The following DENND6A variants were observed in gnomAD, a reference collection of about 807,000 sequenced individuals.
DENND6A encodes the protein protein DENND6A.
In DENND6A, 43 loss-of-function variants were observed where a neutral mutation model predicts 95.5. That is an observed-to-expected ratio of 0.45 (90% CI 0.35 to 0.58). The LOEUF is 0.58. Among genes scored for constraint, DENND6A ranks in the 20% least tolerant of loss-of-function variants. The pLI is 0.00. For missense variants in DENND6A, 574 were observed against 736.0 expected (o/e 0.78, Z 2.55); for synonymous variants, 257 against 260.4 (o/e 0.99, Z 0.13).
intron 7 of DENND6A, 78 bp downstream of exon 7, chr3:57,660,682 T>C (rs1004475210): frequency 1.5e-6 from 2 of 1,307,242 alleles, no homozygotes; most frequent in Non-Finnish European, 2.1e-6. Context: ...TACTCCAGCC[T>C]GGGTGACAGC....
rs186236203 is a variant in DENND6A at position 57,665,282 on chromosome 3, A to G, written c.432+841T>C. Among the ~76,000 whole-genome samples the G allele has an allele frequency of 9.9e-5, 15 of 152,264 alleles. 1 individual carries two copies. The highest frequency in any genetic ancestry group is 7.2e-4 in the Admixed American group (11 of 15,282). ...ATATATGTACACTTTAGCTGGCAAC[A>G]CTGTATAAGGTATATTGTGCTGGAA... On this transcript the variant is annotated intron_variant, in intron 4 of 19. Transcript: ENST00000311128.
intron 9 of DENND6A, among the ~76,000 whole-genome samples, chr3:57,649,597 G>A (rs142825392): frequency 0.013 from 1,948 of 149,326 alleles, 48 homozygotes; most frequent in African/African-American, 0.045. Context: ...GCAAAAATAT[G>A]GAACAAGCCC....
rs1411716389 is a variant in DENND6A, at chr3:57,628,342, G to C, written c.1699C>G (p.Gln567Glu). The change falls in exon 20 of 20, where the codon CAG becomes GAG. Residue 567 changes from glutamine to glutamate, a missense_variant. Coordinates refer to ENST00000311128, the MANE Select transcript of DENND6A (RefSeq NM_152678.3). ...LVLKLKNKLL[Q>E]ADREHLPVKP... Reference sequence around the variant, plus strand: ...ACAGGTAAGTGCTCTCGATCAGCCTGCAACTACATAAGGAACATTTCATAA... The same window carrying C: ...ACAGGTAAGTGCTCTCGATCAGCCTCCAACTACATAAGGAACATTTCATAA... The C allele has an allele frequency of 1.2e-6, 2 of 1,613,472 alleles. No individual in the cohort carries two copies. Among genetic ancestry groups the C allele is most frequent in the African/African-American group, 1.3e-5 (1 of 74,996 alleles).
At chr3:57,685,610 T>C (rs979842602) in intron 1 of DENND6A, among the ~76,000 whole-genome samples, 2 of 152,200 alleles carry the variant, frequency 1.3e-5, no homozygotes, top group Non-Finnish European at 2.9e-5. Flanking sequence ...ACACACAACC[T>C]GTATTCCTAA....
chr3:57,637,766 C>CA (rs68168204), intron 12 of DENND6A, among the ~76,000 whole-genome samples: 2,079 of 109,388 alleles, frequency 0.019, 30 homozygotes, highest in African/African-American at 0.046. Flanking sequence ...AATAAGACTT[C>CA]AAAAAAAAAA....
intron 12 of DENND6A, among the ~76,000 whole-genome samples, chr3:57,639,670 T>TC (rs2070881355): frequency 6.6e-6 from 1 of 152,150 alleles, no homozygotes; most frequent in African/African-American, 2.4e-5. Context: ...GTACCATGCA[T>TC]CAGGCACTGT....
intron 9 of DENND6A, among the ~76,000 whole-genome samples, chr3:57,657,027 G>A (rs1226688667): frequency 6.6e-6 from 1 of 152,146 alleles, no homozygotes; most frequent in African/African-American, 2.4e-5. Context: ...TGAGCATTTC[G>A]TAACTGCTCA....
intron 12 of DENND6A, among the ~76,000 whole-genome samples, chr3:57,637,579 C>T (rs1161259433): frequency 4.0e-5 from 6 of 151,650 alleles, no homozygotes; most frequent in African/African-American, 1.2e-4. Context: ...GGTTTCAAAG[C>T]CAGAATCCTG....
chr3:57,630,373 T>C, intron 18 of DENND6A, 48 bp downstream of exon 18: 1 of 1,482,236 alleles, frequency 6.7e-7, no homozygotes. Context: ...ATAATTATCT[T>C]TATTTTCAAC....
At chr3:57,629,361 TTA>T (rs2070607993) in intron 18 of DENND6A, among the ~76,000 whole-genome samples, 1 of 152,118 alleles carries the variant, frequency 6.6e-6, no homozygotes, top group Non-Finnish European at 1.5e-5. Flanking sequence ...GACTGGGAGT[TTA>T]TGAGTAGAAA....
chr3:57,673,213 C>CAAAAAAAAAAAAAAAAAAAAAAAAAAAAA (rs386396751), intron 1 of DENND6A, among the ~76,000 whole-genome samples: 22 of 70,588 alleles, frequency 3.1e-4, no homozygotes, highest in East Asian at 1.2e-3. Context: ...CATTTCGTAT[C>CAAAAAAAAAAAAAAAAAAAAAAAAAAAAA]AAAAAAAAAA....
chr3:57,629,664 A>C lies in DENND6A; in HGVS notation c.1620+757T>G, dbSNP rs946230282. On this transcript the variant is annotated intron_variant, in intron 18 of 19. Coordinates refer to ENST00000311128, the MANE Select transcript of DENND6A (RefSeq NM_152678.3). ...GTAGCTGGGACTACAGGCGCCTGCC[A>C]CCACGCCCGGCTAATTTTTTTTTTT... is the stretch of plus-strand genomic sequence containing the variant. Among the ~76,000 whole-genome samples the C allele has an allele frequency of 2.8e-3, 414 of 149,990 alleles. 1 individual carries two copies. The highest frequency in any genetic ancestry group is 9.7e-3 in the African/African-American group (397 of 40,880).
At chr3:57,643,748 A>T (rs1005070057) in intron 11 of DENND6A, among the ~76,000 whole-genome samples, 2 of 149,786 alleles carry the variant, frequency 1.3e-5, no homozygotes, top group African/African-American at 4.9e-5. Flanking sequence ...AATCACTTGA[A>T]CCCAGGAGGT....
intron 12 of DENND6A, among the ~76,000 whole-genome samples, chr3:57,638,584 G>T (rs1412045765): frequency 6.6e-6 from 1 of 152,106 alleles, no homozygotes; most frequent in African/African-American, 2.4e-5. Flanking sequence ...CTTGAACCCG[G>T]GAGGTGGAGG....
chr3:57,629,184 C>A (rs909540750), intron 18 of DENND6A, among the ~76,000 whole-genome samples: 52 of 152,100 alleles, frequency 3.4e-4, no homozygotes, highest in African/African-American at 1.2e-3. Context: ...TAACAGTAAC[C>A]CCCACTTCCA....
intron 9 of DENND6A, among the ~76,000 whole-genome samples, chr3:57,648,560 G>GT (rs1375033504): frequency 5.3e-5 from 8 of 152,206 alleles, no homozygotes; most frequent in Middle Eastern, 6.8e-3. Flanking sequence ...CATAGCTAAA[G>GT]TAAGACTAAG....
chr3:57,659,267 G>C (rs2071382185), intron 7 of DENND6A, 87 bp from the exon 8 acceptor site: 1 of 1,411,646 alleles, frequency 7.1e-7, no homozygotes, highest in Non-Finnish European at 9.9e-7. Context: ...GGTATGGTCA[G>C]TAATGCCAAA....
At chr3:57,682,810 G>T (rs890557161) in intron 1 of DENND6A, among the ~76,000 whole-genome samples, 1 of 152,074 alleles carries the variant, frequency 6.6e-6, no homozygotes, top group Non-Finnish European at 1.5e-5. Context: ...CAAGTAACTG[G>T]GATTACAGGT....
At chr3:57,640,286 A>C (rs1323972486) in intron 12 of DENND6A, among the ~76,000 whole-genome samples, 3 of 147,608 alleles carry the variant, frequency 2.0e-5, no homozygotes, top group African/African-American at 7.5e-5. Context: ...AAAAACAAAA[A>C]AAAACAAAAA....
Sources: allele counts gnomAD v4.1 joint callset (sites outside exome capture counted in the v4.1 genomes callset), GRCh38; gene constraint gnomAD v4.1.1; transcripts MANE v1.5; gene names NCBI Gene and HGNC (gene_info 2026-07-23, HGNC 2026-07-21).